The following FEM1B variants were observed in gnomAD, a reference collection of about 807,000 sequenced individuals.
FEM1B encodes the protein fem-1 homolog B, also known as protein fem-1 homolog B.
In FEM1B, 10 loss-of-function variants were observed where a neutral mutation model predicts 38.6. The ratio of observed to expected loss-of-function variants is 0.26; its 90% CI spans 0.16 to 0.44. The LOEUF is 0.44. Ranked by LOEUF, FEM1B falls within the 20% of genes least tolerant of loss-of-function variation. The pLI is 1.00. For missense variants in FEM1B, 471 were observed against 786.7 expected (o/e 0.60, Z 4.80); for synonymous variants, 288 against 288.0 (o/e 1.00, Z 0.00).
rs895782361 is a variant in FEM1B, at chr15:68,288,003, T to A, written c.249-1604T>A. On this transcript the variant is annotated intron_variant, in intron 1 of 1. Coordinates refer to ENST00000306917, the MANE Select transcript of FEM1B (RefSeq NM_015322.5). The surrounding 1 kb of genome is among the most constrained non-coding windows in gnomAD (Gnocchi z 4.6). ...TGCCACCATGCCCGGCTAATTTCTGTATTTTTGGTAGAGATGGGGTTTCAC... is the reference window on the plus strand; with the variant it reads ...TGCCACCATGCCCGGCTAATTTCTGAATTTTTGGTAGAGATGGGGTTTCAC... 6.6e-6 allele frequency among the ~76,000 whole-genome samples: 1 copy of A among 151,946 alleles called. No homozygotes were observed. Among genetic ancestry groups the A allele is most frequent in the Non-Finnish European group, 1.5e-5 (1 of 67,990 alleles).
Position 68,290,816 on chromosome 15 carries a change from C to T in FEM1B, c.1458C>T (p.Thr486=). 1.2e-6 allele frequency: 2 copies of T among 1,614,062 alleles called. No individual in the cohort carries two copies. Among genetic ancestry groups the T allele is most frequent in the Non-Finnish European group, 1.7e-6 (2 of 1,179,944 alleles). Residue 486 remains threonine (T), a synonymous_variant, in exon 2 of 2, where the codon ACC becomes ACT. Coordinates refer to ENST00000306917, the MANE Select transcript of FEM1B (RefSeq NM_015322.5). The surrounding 1 kb of genome is among the most constrained non-coding windows in gnomAD (Gnocchi z 9.7). ...ATCCCAGAACTCGTGAAGGTTTCAC[C>T]TTGCTGCATCTGGCTGTCAATTCCA... ...HLDPRTREGF[T]LLHLAVNSNT... is the part of the protein sequence containing the mutation.
Position 68,278,288 on chromosome 15 carries a change from G to GCGGCGGCGA in FEM1B, c.-124_-116dup, listed in dbSNP as rs1481021624. 2.4e-6 allele frequency: 3 copies of GCGGCGGCGA among 1,254,814 alleles called. No individual in the cohort carries two copies. Among genetic ancestry groups the GCGGCGGCGA allele is most frequent in the Non-Finnish European group, 3.2e-6 (3 of 927,190 alleles). The allele number at this position is 1,254,814 out of a possible 1,614,324, so 77.7% of individuals were successfully genotyped here. A position where few individuals can be genotyped will look rare whatever the true frequency, so the allele number is the denominator to read the frequency against. ...TGGGCCGCACTGCTGCCTGGGCGCG[G>GCGGCGGCGA]CGGCGGCGACGGCGCCCTGTTGAAT... On this transcript the variant is annotated 5_prime_UTR_variant, in exon 1 of 2. Transcript: ENST00000306917. The surrounding 1 kb of genome is among the most constrained non-coding windows in gnomAD (Gnocchi z 5.7).
At position 68,281,963 on chromosome 15, in the gene FEM1B, G is replaced by A. The variant is rs890201926; in HGVS notation, c.248+3298G>A. On this transcript the variant is annotated intron_variant, in intron 1 of 1. Transcript: ENST00000306917. This position sits in a 1 kb window ranked among gnomAD's most constrained non-coding sequence, Gnocchi z 5.1. The stretch of plus-strand genomic sequence containing the variant: ...CATTTGAGATTATTTTACTTGTGGC[G>A]TGACATGTGAATACCATGTTGATAT... 6.6e-6 allele frequency among the ~76,000 whole-genome samples: 1 copy of A among 152,142 alleles called. No homozygotes were observed. Among genetic ancestry groups the A allele is most frequent in the Admixed American group, 6.5e-5 (1 of 15,268 alleles).
At chr15:68,279,033 A>T (rs989801908) in intron 1 of FEM1B, among the ~76,000 whole-genome samples, 1 of 152,186 alleles carries the variant, frequency 6.6e-6, no homozygotes, top group African/African-American at 2.4e-5. Flanking sequence ...ATCAGAAATT[A>T]AGGAGGTCAG....
chr15:68,290,073 C>A lies in FEM1B; in HGVS notation c.715C>A (p.Leu239Ile). Reference sequence around the variant, plus strand: ...TAAAGCTGATGTCGTAGAACTGTTACTCTCTCATGCTGATTGCGACCGAAG... The same window carrying A: ...TAAAGCTGATGTCGTAGAACTGTTAATCTCTCATGCTGATTGCGACCGAAG... ...SCKADVVELL[L>I]SHADCDRRSR... Residue 239 changes from leucine to isoleucine, a missense_variant, in exon 2 of 2, where the codon CTC becomes ATC. By Grantham distance (5) the Leu-to-Ile change is conservative. This residue lies in a region of FEM1B where 380 missense variants were observed against 599.6 expected (regional missense o/e 0.63). Coordinates refer to ENST00000306917, the MANE Select transcript of FEM1B (RefSeq NM_015322.5). This position sits in a 1 kb window ranked among gnomAD's most constrained non-coding sequence, Gnocchi z 9.7. The A allele has an allele frequency of 6.2e-7, 1 of 1,614,222 alleles. No individual in the cohort carries two copies. The highest frequency in any genetic ancestry group is 1.1e-5 in the South Asian group (1 of 91,086).
chr15:68,283,164 C>G (rs1892745918), intron 1 of FEM1B, among the ~76,000 whole-genome samples: 1 of 152,062 alleles, frequency 6.6e-6, no homozygotes, highest in Non-Finnish European at 1.5e-5. Context: ...TTAATTTTTA[C>G]TCTTACATCA....
Position 68,278,625 on chromosome 15 carries a change from C to T in FEM1B, c.208C>T (p.Arg70Trp). ...KVVRLLLEHYRVQTQQTGTVR... is the reference protein window; with the variant it reads ...KVVRLLLEHYWVQTQQTGTVR... Reference sequence around the variant, plus strand: ...GGTACGCTTGCTCTTAGAACATTACCGGGTGCAGACTCAGCAGACTGGCAC... The same window carrying T: ...GGTACGCTTGCTCTTAGAACATTACTGGGTGCAGACTCAGCAGACTGGCAC... The change falls in exon 1 of 2, where the codon CGG becomes TGG. Residue 70 changes from arginine to tryptophan, a missense_variant. Arg to Trp is a moderately radical substitution (Grantham distance 101). Transcript: ENST00000306917. This position sits in a 1 kb window ranked among gnomAD's most constrained non-coding sequence, Gnocchi z 5.7. 2.5e-6 allele frequency: 4 copies of T among 1,614,062 alleles called. No homozygotes were observed. The highest frequency in any genetic ancestry group is 2.5e-6 in the Non-Finnish European group (3 of 1,180,028).
rs866545124 is a variant in FEM1B at position 68,288,678 on chromosome 15, T to C, written c.249-929T>C. On this transcript the variant is annotated intron_variant, in intron 1 of 1. Transcript: ENST00000306917. The surrounding 1 kb of genome is among the most constrained non-coding windows in gnomAD (Gnocchi z 4.6). The stretch of plus-strand genomic sequence containing the variant: ...AAGTCCAGTCATGTCAGAGAAGATA[T>C]CTGCTTGGTTTTCCAAAAGTGCTAA... 3.3e-5 allele frequency among the ~76,000 whole-genome samples: 5 copies of C among 152,200 alleles called. No homozygotes were observed. The highest frequency in any genetic ancestry group is 6.5e-5 in the Admixed American group (1 of 15,286).
In FEM1B at chr15:68,290,773, A is replaced by G; in HGVS notation, c.1415A>G (p.Tyr472Cys). ...EDQCKINKQI[Y>C]NLIHLDPRTR... is the part of the protein sequence containing the mutation. ...CAGTGCAAAATTAACAAGCAGATCT[A>G]CAACCTGATTCACCTTGATCCCAGA... The change falls in exon 2 of 2, where the codon TAC (tyrosine) becomes TGC (cysteine). Residue 472 changes from tyrosine (Y) to cysteine (C), a missense_variant. By Grantham distance (194) the Tyr-to-Cys change is radical. Around this residue, in one of 3 missense-constraint regions of FEM1B, gnomAD observed 380 missense variants for 599.6 expected, o/e 0.63. Coordinates refer to ENST00000306917, the MANE Select transcript of FEM1B (RefSeq NM_015322.5). The surrounding 1 kb of genome is among the most constrained non-coding windows in gnomAD (Gnocchi z 9.7). 1.2e-6 allele frequency: 2 copies of G among 1,614,064 alleles called. No homozygotes were observed. The highest frequency in any genetic ancestry group is 1.7e-6 in the Non-Finnish European group (2 of 1,179,912).
At chr15:68,287,826 GTC>G (rs1403174364) in intron 1 of FEM1B, among the ~76,000 whole-genome samples, 11 of 145,738 alleles carry the variant, frequency 7.5e-5, no homozygotes, top group South Asian at 4.3e-4. Flanking sequence ...CGTTGCTAAC[GTC>G]TCTTTTTTTT....
At position 68,292,383 on chromosome 15, in the gene FEM1B, C is replaced by G. The variant is rs1253122722; in HGVS notation, c.*1141C>G. On this transcript the variant is annotated 3_prime_UTR_variant, in exon 2 of 2. Transcript: ENST00000306917. The stretch of plus-strand genomic sequence containing the variant: ...TTCAACCACAAAATGTCACTTATTC[C>G]TACAGGCTATACAGAGGTCTTTATG... The G allele has an allele frequency of 6.6e-6, 1 of 152,102 alleles. No individual in the cohort carries two copies. Among genetic ancestry groups the G allele is most frequent in the Non-Finnish European group, 1.5e-5 (1 of 67,984 alleles). The allele number at this position is 152,102 out of a possible 1,614,324, so 9.4% of individuals were successfully genotyped here. A position where few individuals can be genotyped will look rare whatever the true frequency, so the allele number is the denominator to read the frequency against.
Position 68,290,851 on chromosome 15 carries a change from T to C in FEM1B, c.1493T>C (p.Val498Ala). The change falls in exon 2 of 2, where the codon GTT (valine) becomes GCT (alanine). Residue 498 changes from valine to alanine, a missense_variant. Around this residue, in one of 3 missense-constraint regions of FEM1B, gnomAD observed 380 missense variants for 599.6 expected, o/e 0.63. Coordinates refer to ENST00000306917, the MANE Select transcript of FEM1B (RefSeq NM_015322.5). The surrounding 1 kb of genome is among the most constrained non-coding windows in gnomAD (Gnocchi z 9.7). ...CTGGCTGTCAATTCCAATACTCCAGTTGATGATTTCCACACCAATGACGTC... is the reference window on the plus strand; with the variant it reads ...CTGGCTGTCAATTCCAATACTCCAGCTGATGATTTCCACACCAATGACGTC... Reference protein sequence around the residue: ...LHLAVNSNTPVDDFHTNDVCS... With the variant: ...LHLAVNSNTPADDFHTNDVCS... The C allele has an allele frequency of 1.2e-6, 2 of 1,614,148 alleles. No individual in the cohort carries two copies. The highest frequency in any genetic ancestry group is 1.7e-6 in the Non-Finnish European group (2 of 1,180,024).
intron 1 of FEM1B, among the ~76,000 whole-genome samples, chr15:68,287,850 T>G (rs1424650393): frequency 6.6e-6 from 1 of 151,134 alleles, no homozygotes; most frequent in Non-Finnish European, 1.5e-5. Flanking sequence ...TTTTTTTTTT[T>G]TTGAGATGAA....
Position 68,277,850 on chromosome 15 carries a change from G to A in FEM1B, c.-568G>A. On this transcript the variant is annotated 5_prime_UTR_variant, in exon 1 of 2. Coordinates refer to ENST00000306917, the MANE Select transcript of FEM1B (RefSeq NM_015322.5). ...ATCGCCCCGGGGGCCCCTACGCGAG[G>A]ATCTCCGGGGCCGTTGGCAGCGCCT... 6.6e-6 allele frequency: 1 copy of A among 152,362 alleles called. No individual in the cohort carries two copies. The highest frequency in any genetic ancestry group is 3.2e-3 in the Middle Eastern group (1 of 316). The allele number at this position is 152,362 out of a possible 1,614,324, so 9.4% of individuals were successfully genotyped here.
rs889619595 is a variant in FEM1B at position 68,278,990 on chromosome 15, G to T, written c.248+325G>T. The stretch of plus-strand genomic sequence containing the variant: ...TTGGAGGAGGTGGCTGCCTTTCCAG[G>T]TTTTACTTTTAGTGGAACTGGTGAT... On this transcript the variant is annotated intron_variant, in intron 1 of 1. Coordinates refer to ENST00000306917, the MANE Select transcript of FEM1B (RefSeq NM_015322.5). This position sits in a 1 kb window ranked among gnomAD's most constrained non-coding sequence, Gnocchi z 5.7. Among the ~76,000 whole-genome samples, 6 of 152,016 alleles carry T rather than the reference G, an allele frequency of 3.9e-5. No individual in the cohort carries two copies. Among genetic ancestry groups the T allele is most frequent in the African/African-American group, 1.5e-4 (6 of 41,368 alleles).
chr15:68,290,564 G>A lies in FEM1B; in HGVS notation c.1206G>A (p.Val402=). ...FSQMIHLNET[V]KAPDIECVLR... ...AAATGATACATTTGAATGAAACTGT[G>A]AAGGCCCCAGACATAGAATGTGTTT... The change falls in exon 2 of 2, where the codon GTG becomes GTA. Residue 402 remains valine (V), a synonymous_variant. Transcript: ENST00000306917. The surrounding 1 kb of genome is among the most constrained non-coding windows in gnomAD (Gnocchi z 9.7). 1 of 1,614,180 alleles carries A rather than the reference G, an allele frequency of 6.2e-7. No individual in the cohort carries two copies. Among genetic ancestry groups the A allele is most frequent in the African/African-American group, 1.3e-5 (1 of 75,048 alleles).
chr15:68,291,117 A>AT lies in FEM1B; in HGVS notation c.1760dup (p.Leu588ThrfsTer3). 2 of 1,614,126 alleles carry AT rather than the reference A, an allele frequency of 1.2e-6. No homozygotes were observed. Among genetic ancestry groups the AT allele is most frequent in the Non-Finnish European group, 1.7e-6 (2 of 1,179,992 alleles). ...CAAAAGTACAACTGGGGTATCTGAA[A>AT]TACTGCTTAAAACTCAAATGAAGAT... On this transcript the variant is annotated frameshift_variant, in exon 2 of 2. Coordinates refer to ENST00000306917, the MANE Select transcript of FEM1B (RefSeq NM_015322.5). LOFTEE classifies it high-confidence loss of function. The surrounding 1 kb of genome is among the most constrained non-coding windows in gnomAD (Gnocchi z 6.9).
intron 1 of FEM1B, among the ~76,000 whole-genome samples, chr15:68,287,063 G>T (rs1343853019): frequency 6.6e-6 from 1 of 152,098 alleles, no homozygotes; most frequent in Non-Finnish European, 1.5e-5. Flanking sequence ...GCTAATTTTT[G>T]TATTATTGGT....
rs1448456941 is a variant in FEM1B, at chr15:68,291,448, G to GT, written c.*207dup. The GT allele has an allele frequency of 1.9e-6, 1 of 519,276 alleles. No homozygotes were observed. Among genetic ancestry groups the GT allele is most frequent in the African/African-American group, 1.9e-5 (1 of 51,456 alleles). The allele number at this position is 519,276 out of a possible 1,614,324, so 32.2% of individuals were successfully genotyped here. A position where few individuals can be genotyped will look rare whatever the true frequency, so the allele number is the denominator to read the frequency against. On this transcript the variant is annotated 3_prime_UTR_variant, in exon 2 of 2. Coordinates refer to ENST00000306917, the MANE Select transcript of FEM1B (RefSeq NM_015322.5). This position sits in a 1 kb window ranked among gnomAD's most constrained non-coding sequence, Gnocchi z 6.9. ...TTTAACAAAACCACATTGTTTTGGT[G>GT]TAACTATAAGGTATTTGCATATTGG...
Sources: allele counts gnomAD v4.1 joint callset (sites outside exome capture counted in the v4.1 genomes callset), GRCh38; gene constraint gnomAD v4.1.1; regional missense constraint gnomAD v4.1.1; non-coding constraint Gnocchi (gnomAD v3.1); transcripts MANE v1.5; gene names NCBI Gene and HGNC (gene_info 2026-07-23, HGNC 2026-07-21).